ZNF407: variants seen among roughly 807,000 people sequenced by gnomAD.
ZNF407 encodes the protein zinc finger protein 407.
ZNF407 carries 17 observed loss-of-function variants against 131.2 expected under a neutral mutation model. That is an observed-to-expected ratio of 0.13 (90% CI 0.09 to 0.19). ZNF407 has a LOEUF of 0.19. ZNF407 is among the 10% of genes least tolerant of loss of function. ZNF407 has a pLI of 1.00. For missense variants in ZNF407, 2,681 were observed against 2,830.6 expected (o/e 0.95, Z 1.20); for synonymous variants, 1,156 against 1,062.0 (o/e 1.09, Z -1.72).
Position 74,634,358 on chromosome 18 carries a change from T to G in ZNF407, c.3339T>G (p.Gly1113=). The change falls in exon 2 of 9, where the codon GGT becomes GGG. Residue 1113 remains glycine (G), a synonymous_variant. Transcript: ENST00000299687. ...CTGAGGAATTTCAAATAATTTCAGG[T>G]CAACCATCTGATACTCTTAAATCTA... ...QNSEEFQIIS[G]QPSDTLKSRN... 2 of 1,613,900 alleles carry G rather than the reference T, an allele frequency of 1.2e-6. No individual in the cohort carries two copies. The highest frequency in any genetic ancestry group is 1.7e-6 in the Non-Finnish European group (2 of 1,179,882).
chr18:74,973,068 G>A (rs977729705), intron 8 of ZNF407, among the ~76,000 whole-genome samples: 3 of 151,996 alleles, frequency 2.0e-5, no homozygotes, highest in Non-Finnish European at 4.4e-5. Context: ...TTTTCTAGAA[G>A]TCAGTTTTCA....
chr18:74,976,250 G>A (rs1972527108), intron 8 of ZNF407, among the ~76,000 whole-genome samples: 1 of 152,202 alleles, frequency 6.6e-6, no homozygotes, highest in African/African-American at 2.4e-5. Flanking sequence ...TTTCTCATTA[G>A]TAGAGTAGTT....
chr18:75,049,326 G>A lies in ZNF407; in HGVS notation c.5429-13824G>A, dbSNP rs76314657. Among the ~76,000 whole-genome samples the A allele has an allele frequency of 0.016, 2,460 of 152,174 alleles. 141 individuals carry two copies. The East Asian group carries it at 0.18, about 11-fold the overall frequency. On this transcript the variant is annotated intron_variant, in intron 8 of 8. Transcript: ENST00000299687. ...GATGAATCACTTGATGTCAAACAGC[G>A]CAGCCTCCTGCTCTGGCAGGGTTTC... is the stretch of plus-strand genomic sequence containing the variant.
At chr18:74,895,649 A>G (rs1296624127) in intron 7 of ZNF407, among the ~76,000 whole-genome samples, 1 of 152,202 alleles carries the variant, frequency 6.6e-6, no homozygotes, top group Non-Finnish European at 1.5e-5. Context: ...GTTATAAAAC[A>G]TGTTTTTCAG....
rs564639234 is a variant in ZNF407 at position 74,850,646 on chromosome 18, G to T, written c.4878-26551G>T. On this transcript the variant is annotated intron_variant, in intron 4 of 8. Coordinates refer to ENST00000299687, the MANE Select transcript of ZNF407 (RefSeq NM_017757.3). ...CTTTGGTTTATAACAAATAAAGGCT[G>T]ATGCTTTCAGTTCCTTTCAGTTTCT... Among the ~76,000 whole-genome samples the T allele has an allele frequency of 3.9e-5, 6 of 152,276 alleles. No homozygotes were observed. In the South Asian group the frequency reaches 1.0e-3, roughly 26 times the overall value.
At chr18:74,659,288 T>C (rs1391397166) in intron 3 of ZNF407, among the ~76,000 whole-genome samples, 2 of 152,152 alleles carry the variant, frequency 1.3e-5, no homozygotes, top group Non-Finnish European at 2.9e-5. Flanking sequence ...GCTTAACCTA[T>C]GTAGAGCTGG....
At chr18:74,825,113 C>A (rs1970392187) in intron 4 of ZNF407, among the ~76,000 whole-genome samples, 1 of 152,176 alleles carries the variant, frequency 6.6e-6, no homozygotes. Flanking sequence ...ACAAAAACCA[C>A]ATGATTATCT....
chr18:74,835,412 C>T (rs919980092), intron 4 of ZNF407, among the ~76,000 whole-genome samples: 2 of 152,112 alleles, frequency 1.3e-5, no homozygotes, highest in Non-Finnish European at 2.9e-5. Context: ...TGAATTGGTC[C>T]CCGCCTCTGA....
chr18:74,676,617 GT>G (rs1039041497), intron 3 of ZNF407, among the ~76,000 whole-genome samples: 47 of 149,722 alleles, frequency 3.1e-4, no homozygotes, highest in African/African-American at 1.1e-3. Flanking sequence ...TGTATTTTTA[GT>G]AGAGACGGGG....
At chr18:74,719,235 A>G (rs1967968002) in intron 3 of ZNF407, among the ~76,000 whole-genome samples, 3 of 152,188 alleles carry the variant, frequency 2.0e-5, no homozygotes, top group African/African-American at 7.2e-5. Context: ...CATTATTGTT[A>G]TCTTTAATTC....
chr18:74,868,831 GT>G (rs1971048349), intron 4 of ZNF407, among the ~76,000 whole-genome samples: 1 of 152,196 alleles, frequency 6.6e-6, no homozygotes, highest in African/African-American at 2.4e-5. Flanking sequence ...CCCACATACT[GT>G]GGGGTTCTGA....
At chr18:74,598,722 C>T (rs918744049) in intron 1 of ZNF407, among the ~76,000 whole-genome samples, 30 of 152,252 alleles carry the variant, frequency 2.0e-4, no homozygotes, top group Admixed American at 1.9e-3. Context: ...TGCCTGACAC[C>T]GCTGCGGGCA....
chr18:74,662,566 T>A (rs1323293058), intron 3 of ZNF407, among the ~76,000 whole-genome samples: 2 of 152,202 alleles, frequency 1.3e-5, no homozygotes, highest in Admixed American at 1.3e-4. Flanking sequence ...TCTAATATTT[T>A]AAAAATAAAT....
Position 74,637,462 on chromosome 18 carries a change from A to C in ZNF407, c.4687+1756A>C, listed in dbSNP as rs543999886. 2.6e-5 allele frequency among the ~76,000 whole-genome samples: 4 copies of C among 152,214 alleles called. No individual in the cohort carries two copies. The South Asian group carries it at 8.3e-4, about 32-fold the overall frequency. On this transcript the variant is annotated intron_variant, in intron 2 of 8. Coordinates refer to ENST00000299687, the MANE Select transcript of ZNF407 (RefSeq NM_017757.3). The stretch of plus-strand genomic sequence containing the variant: ...AAGTAACCCTACTTATATAAGTTAC[A>C]TCATTGATTGTAACATTTAGTAAAA...
intron 8 of ZNF407, among the ~76,000 whole-genome samples, chr18:74,979,265 A>G (rs1408677893): frequency 6.6e-6 from 1 of 152,162 alleles, no homozygotes; most frequent in Non-Finnish European, 1.5e-5. Flanking sequence ...GCGGTTATCA[A>G]CATTTAAAAT....
In ZNF407 at chr18:75,063,316, G is replaced by A. The variant is rs200264397; in HGVS notation, c.5595G>A (p.Gln1865=). 48 of 1,613,524 alleles carry A rather than the reference G, an allele frequency of 3.0e-5. No individual in the cohort carries two copies. The Admixed American group carries it at 8.0e-4, about 27-fold the overall frequency. The change falls in exon 9 of 9, where the codon CAG becomes CAA. Residue 1865 remains glutamine, a synonymous_variant. Coordinates refer to ENST00000299687, the MANE Select transcript of ZNF407 (RefSeq NM_017757.3). This position sits in a 1 kb window ranked among gnomAD's most constrained non-coding sequence, Gnocchi z 6.6. ...RPAPPPEQVQ[Q]VIIFQGYDGE... is the part of the protein sequence containing the mutation. ...CGCCGCCCCCTGAGCAGGTGCAGCA[G>A]GTCATCATCTTCCAGGGCTACGACG...
chr18:74,922,325 A>G (rs1370791158), intron 8 of ZNF407, among the ~76,000 whole-genome samples: 1 of 152,236 alleles, frequency 6.6e-6, no homozygotes, highest in Non-Finnish European at 1.5e-5. Flanking sequence ...GGGCATCAGC[A>G]AAGTGTCCTC....
chr18:74,759,992 A>G (rs1030897660), intron 3 of ZNF407, among the ~76,000 whole-genome samples: 75 of 151,564 alleles, frequency 4.9e-4, no homozygotes, highest in African/African-American at 1.6e-3. Context: ...AAATATATAT[A>G]TATATGTATG....
intron 8 of ZNF407, among the ~76,000 whole-genome samples, chr18:74,986,088 T>G (rs1198698429): frequency 1.3e-5 from 2 of 152,240 alleles, no homozygotes; most frequent in Non-Finnish European, 2.9e-5. Context: ...TGTCACTGTG[T>G]GTCCTCAGCA....
Sources: gnomAD v4.1 joint callset for allele counts (sites outside exome capture counted in the v4.1 genomes callset) on GRCh38, gnomAD v4.1.1 for gene constraint, Gnocchi (gnomAD v3.1) non-coding constraint, MANE v1.5 for transcripts, NCBI Gene and HGNC (gene_info 2026-07-23, HGNC 2026-07-21) for gene names.